The following SPON1 variants were observed in gnomAD, a reference collection of about 807,000 sequenced individuals.
SPON1 encodes the protein spondin 1.
SPON1 carries 52 observed loss-of-function variants against 111.7 expected under a neutral mutation model. The ratio of observed to expected loss-of-function variants is 0.47; its 90% CI spans 0.37 to 0.59. The LOEUF (loss-of-function observed/expected upper bound fraction) is 0.59. Ranked by LOEUF, SPON1 falls within the 20% of genes least tolerant of loss-of-function variation. The probability of loss-of-function intolerance (pLI) is 0.00; values close to 1 mark genes in which losing one functional copy is unlikely to be tolerated. For missense variants in SPON1, 957 were observed against 1,068.5 expected (o/e 0.90, Z 1.46); for synonymous variants, 410 against 395.8 (o/e 1.04, Z -0.43).
At chr11:14,254,238 A>T (rs1433583526) in intron 7 of SPON1, among the ~76,000 whole-genome samples, 1 of 152,200 alleles carries the variant, frequency 6.6e-6, no homozygotes, top group East Asian at 1.9e-4. Context: ...CCATGATCAC[A>T]CCACTGCACT....
chr11:14,160,985 A>ATATATT (rs1847940148), intron 6 of SPON1, among the ~76,000 whole-genome samples: 2 of 57,486 alleles, frequency 3.5e-5, no homozygotes, highest in South Asian at 6.2e-4. Flanking sequence ...TTATATATTT[A>ATATATT]TATATATTTT....
intron 7 of SPON1, among the ~76,000 whole-genome samples, chr11:14,246,680 C>T (rs1213753807): frequency 6.6e-6 from 1 of 152,062 alleles, no homozygotes; most frequent in African/African-American, 2.4e-5. Context: ...GGAGGGTCCC[C>T]CCAAAAAAAG....
chr11:14,196,604 C>CT (rs1414871607), intron 6 of SPON1, among the ~76,000 whole-genome samples: 2 of 152,212 alleles, frequency 1.3e-5, no homozygotes, highest in East Asian at 3.8e-4. Flanking sequence ...GGTCTTTCCA[C>CT]TTTCTCACTT....
rs949465526 is a variant in SPON1, at chr11:13,979,116, G to A, written c.239-3731G>A. 2.6e-5 allele frequency among the ~76,000 whole-genome samples: 4 copies of A among 152,326 alleles called. No individual in the cohort carries two copies. The East Asian group carries it at 5.8e-4, about 22-fold the overall frequency. On this transcript the variant is annotated intron_variant, in intron 1 of 15. Coordinates refer to ENST00000576479, the MANE Select transcript of SPON1 (RefSeq NM_006108.4). ...CTAGACATCTGAAATCAAGGTATCC[G>A]ACGGTGTTTTCTTCTGGAGGGCTCT... is the stretch of plus-strand genomic sequence containing the variant.
intron 5 of SPON1, among the ~76,000 whole-genome samples, chr11:14,100,467 T>G (rs782648094): frequency 2.6e-5 from 4 of 152,208 alleles, no homozygotes; most frequent in East Asian, 1.9e-4. Context: ...GATCCATTTT[T>G]TTGTTGTTGT....
chr11:14,197,816 A>G (rs983653096), intron 6 of SPON1, among the ~76,000 whole-genome samples: 2 of 152,192 alleles, frequency 1.3e-5, no homozygotes, highest in Admixed American at 1.3e-4. Context: ...CTTCCATCTC[A>G]ATAAATAAAC....
intron 5 of SPON1, among the ~76,000 whole-genome samples, chr11:14,109,017 C>G (rs1037478821): frequency 1.6e-4 from 25 of 152,284 alleles, no homozygotes; most frequent in African/African-American, 5.5e-4. Flanking sequence ...TCCTGGGCAG[C>G]TCCTTCTCTT....
chr11:14,261,481 A>G (rs564604351), intron 14 of SPON1, among the ~76,000 whole-genome samples: 3 of 152,314 alleles, frequency 2.0e-5, no homozygotes, highest in African/African-American at 7.2e-5. Context: ...CAGTTTCTCC[A>G]TCTGTAAAAT....
At chr11:14,185,458 T>C (rs12418328) in intron 6 of SPON1, among the ~76,000 whole-genome samples, 4,187 of 152,312 alleles carry the variant, frequency 0.027, 83 homozygotes, top group South Asian at 0.092. Flanking sequence ...AACTCATCTA[T>C]AGAATCTTGC....
intron 6 of SPON1, among the ~76,000 whole-genome samples, chr11:14,184,020 G>A (rs1481362869): frequency 2.0e-5 from 3 of 152,156 alleles, no homozygotes; most frequent in African/African-American, 7.2e-5. Context: ...AGTTTCCCCA[G>A]GCTGATATAT....
intron 5 of SPON1, among the ~76,000 whole-genome samples, chr11:14,095,946 C>G (rs1849097582): frequency 1.3e-5 from 2 of 152,214 alleles, no homozygotes; most frequent in Non-Finnish European, 2.9e-5. Context: ...GTCTGCCCAT[C>G]AGAGCATCTC....
chr11:14,009,519 C>A (rs1848388620), intron 2 of SPON1, among the ~76,000 whole-genome samples: 1 of 152,198 alleles, frequency 6.6e-6, no homozygotes, highest in Non-Finnish European at 1.5e-5. Flanking sequence ...TCCTTAGCAC[C>A]ATTATATGCT....
At chr11:14,163,781 A>G (rs1242367751) in intron 6 of SPON1, among the ~76,000 whole-genome samples, 1 of 152,116 alleles carries the variant, frequency 6.6e-6, no homozygotes, top group Admixed American at 6.5e-5. Context: ...TGGGAACCAA[A>G]TGCTCCCATG....
intron 5 of SPON1, among the ~76,000 whole-genome samples, chr11:14,086,853 C>G (rs1260718824): frequency 3.3e-5 from 5 of 152,118 alleles, no homozygotes; most frequent in Non-Finnish European, 7.4e-5. Flanking sequence ...AGGGATTCAA[C>G]TTCTTCCTGA....
intron 5 of SPON1, among the ~76,000 whole-genome samples, chr11:14,122,527 C>A (rs1298950612): frequency 6.6e-6 from 1 of 152,198 alleles, no homozygotes; most frequent in Non-Finnish European, 1.5e-5. Context: ...TTCTGGAACT[C>A]CAATTACCAC....
chr11:14,029,682 CA>C (rs1848544653), intron 2 of SPON1, among the ~76,000 whole-genome samples: 1 of 152,148 alleles, frequency 6.6e-6, no homozygotes, highest in Admixed American at 6.5e-5. Context: ...GGGCGTTATT[CA>C]GAAAGAATCA....
chr11:14,004,433 C>A (rs1848343732), intron 2 of SPON1, among the ~76,000 whole-genome samples: 1 of 151,690 alleles, frequency 6.6e-6, no homozygotes. Context: ...ATGGCTATAC[C>A]AATCTACGTT....
intron 6 of SPON1, among the ~76,000 whole-genome samples, chr11:14,136,419 G>T (rs1024066569): frequency 2.6e-5 from 4 of 152,252 alleles, no homozygotes; most frequent in Non-Finnish European, 5.9e-5. Context: ...AGGTCACTGA[G>T]AGGCTGTTGC....
chr11:14,176,623 A>T (rs191395653), intron 6 of SPON1, among the ~76,000 whole-genome samples: 1 of 152,310 alleles, frequency 6.6e-6, no homozygotes, highest in Non-Finnish European at 1.5e-5. Context: ...ATGGGGCTAC[A>T]GACAGATATC....
Sources: allele counts gnomAD v4.1 joint callset (sites outside exome capture counted in the v4.1 genomes callset), GRCh38; gene constraint gnomAD v4.1.1; transcripts MANE v1.5; gene names NCBI Gene and HGNC (gene_info 2026-07-23, HGNC 2026-07-21).